AIDA: variants seen among roughly 807,000 people sequenced by gnomAD.
AIDA encodes axin interactor, dorsalization associated, also known as axin interactor, dorsalization-associated protein.
Under a neutral mutation model 42.7 loss-of-function variants are expected in AIDA, and 18 were observed. That is an observed-to-expected ratio of 0.42 (90% CI 0.29 to 0.63). The LOEUF (loss-of-function observed/expected upper bound fraction) is 0.63. Ranked by LOEUF, AIDA falls within the 20% of genes least tolerant of loss-of-function variation. AIDA has a pLI of 0.19. For missense variants in AIDA, 250 were observed against 354.1 expected, an observed-to-expected ratio of 0.71 and a Z score of 2.36; for synonymous variants, 104 against 122.9, an observed-to-expected ratio of 0.85 and a Z score of 1.02.
chr1:222,692,506 A>C (rs1156519318), intron 4 of AIDA, among the ~76,000 whole-genome samples: 1 of 152,160 alleles, frequency 6.6e-6, no homozygotes, highest in Admixed American at 6.5e-5. Flanking sequence ...CATCTGAAAG[A>C]TTATTTTTTA....
intron 1 of AIDA, among the ~76,000 whole-genome samples, chr1:222,710,273 AT>A (rs1268153733): frequency 6.6e-6 from 1 of 152,214 alleles, no homozygotes; most frequent in African/African-American, 2.4e-5. Flanking sequence ...TTTCACTGAA[AT>A]TTGACCCTGG....
intron 2 of AIDA, among the ~76,000 whole-genome samples, chr1:222,698,893 T>G (rs1655599090): frequency 6.6e-6 from 1 of 152,130 alleles, no homozygotes; most frequent in African/African-American, 2.4e-5. Context: ...TGGCAGGATC[T>G]TGGTTCACTG....
Position 222,669,782 on chromosome 1 carries a change from C to G in AIDA, c.*111G>C, listed in dbSNP as rs1664411632. ...ATTGGACTCCGTCCGGCCTACTGGTCTGGGTACGGCTTGCTTCCTGCCTGT... is the reference window on the plus strand; with the variant it reads ...ATTGGACTCCGTCCGGCCTACTGGTGTGGGTACGGCTTGCTTCCTGCCTGT... On this transcript the variant is annotated 3_prime_UTR_variant, in exon 10 of 10. Coordinates refer to ENST00000340020, the MANE Select transcript of AIDA (RefSeq NM_022831.4). The G allele has an allele frequency of 1.0e-6, 1 of 972,672 alleles. No individual in the cohort carries two copies. Among genetic ancestry groups the G allele is most frequent in the East Asian group, 2.6e-5 (1 of 38,180 alleles). 60.3% of individuals were successfully genotyped at this position (972,672 alleles called of 1,614,324 possible).
intron 2 of AIDA, among the ~76,000 whole-genome samples, chr1:222,696,920 G>A (rs1253549730): frequency 6.6e-6 from 1 of 151,986 alleles, no homozygotes; most frequent in East Asian, 1.9e-4. Flanking sequence ...TCTTGAAGCA[G>A]AAGCAACAGG....
At chr1:222,696,523 C>G (rs1216835861) in intron 2 of AIDA, among the ~76,000 whole-genome samples, 1 of 152,182 alleles carries the variant, frequency 6.6e-6, no homozygotes, top group Non-Finnish European at 1.5e-5. Flanking sequence ...GTAACTTGCC[C>G]TAGGCATCAA....
chr1:222,686,828 A>T, intron 6 of AIDA, 102 bp downstream of exon 6: 1 of 1,384,668 alleles, frequency 7.2e-7, no homozygotes, highest in Non-Finnish European at 9.8e-7. Flanking sequence ...CATGAGCTTT[A>T]GAGTGGTTGT....
intron 2 of AIDA, among the ~76,000 whole-genome samples, chr1:222,698,520 C>G (rs553862100): frequency 7.2e-6 from 1 of 138,630 alleles, no homozygotes; most frequent in African/African-American, 2.8e-5. Context: ...GGTGTGATTT[C>G]GGCTCACTGC....
chr1:222,705,641 T>C (rs944236442), intron 1 of AIDA, among the ~76,000 whole-genome samples: 6 of 152,190 alleles, frequency 3.9e-5, no homozygotes, highest in Non-Finnish European at 7.4e-5. Context: ...CCCAGCACTT[T>C]GGGAGGCCAA....
chr1:222,680,757 ATAGAG>A (rs1041498386), intron 6 of AIDA, among the ~76,000 whole-genome samples: 1 of 152,084 alleles, frequency 6.6e-6, no homozygotes, highest in Non-Finnish European at 1.5e-5. Context: ...GCCATTTAAA[ATAGAG>A]TAAAGCTTTT....
At chr1:222,702,752 AG>A (rs1308519007) in intron 2 of AIDA, among the ~76,000 whole-genome samples, 1 of 152,236 alleles carries the variant, frequency 6.6e-6, no homozygotes, top group Non-Finnish European at 1.5e-5. Context: ...GAATCAAGTA[AG>A]TGCTGGGGTG....
chr1:222,693,018 G>A (rs1655409828), intron 4 of AIDA, among the ~76,000 whole-genome samples: 1 of 152,110 alleles, frequency 6.6e-6, no homozygotes, highest in African/African-American at 2.4e-5. Flanking sequence ...GGGCTGAAGT[G>A]AAACAGAGCA....
chr1:222,676,876 A>C (rs1173022782), intron 6 of AIDA, among the ~76,000 whole-genome samples: 9 of 151,830 alleles, frequency 5.9e-5, no homozygotes, highest in Admixed American at 5.9e-4. Context: ...ATAATTTTAC[A>C]GTCTAATTTC....
At chr1:222,708,312 A>G (rs1031260855) in intron 1 of AIDA, among the ~76,000 whole-genome samples, 2 of 150,856 alleles carry the variant, frequency 1.3e-5, no homozygotes, top group African/African-American at 4.9e-5. Flanking sequence ...ATCCATCTCA[A>G]AAAAAAATGA....
chr1:222,676,256 T>C (rs748732223), intron 6 of AIDA, 38 bp from the exon 7 acceptor site: 55 of 1,578,518 alleles, frequency 3.5e-5, no homozygotes, highest in Non-Finnish European at 4.5e-5. Context: ...CTCCATATCA[T>C]TTCACAGTAA....
chr1:222,695,537 T>C (rs1479195560), intron 2 of AIDA, among the ~76,000 whole-genome samples: 1 of 151,850 alleles, frequency 6.6e-6, no homozygotes, highest in Non-Finnish European at 1.5e-5. Context: ...TAGGTTGAAG[T>C]AGGAAAGGGC....
intron 6 of AIDA, among the ~76,000 whole-genome samples, chr1:222,682,033 G>A (rs1664664178): frequency 6.6e-6 from 1 of 152,212 alleles, no homozygotes; most frequent in South Asian, 2.1e-4. Flanking sequence ...GGAGATTACG[G>A]AGAACCAGAC....
chr1:222,677,385 C>A (rs1260293944), intron 6 of AIDA, among the ~76,000 whole-genome samples: 1 of 152,088 alleles, frequency 6.6e-6, no homozygotes, highest in Non-Finnish European at 1.5e-5. Context: ...GGTTTCCCCC[C>A]CTCTAATTTT....
intron 6 of AIDA, 57 bp from the exon 7 acceptor site, chr1:222,676,275 A>C (rs1419893542): frequency 1.9e-6 from 3 of 1,543,396 alleles, no homozygotes; most frequent in Non-Finnish European, 1.7e-6. Flanking sequence ...AAACATTTTA[A>C]TGAACACAGA....
At chr1:222,701,279 A>G (rs937726910) in intron 2 of AIDA, among the ~76,000 whole-genome samples, 5 of 152,332 alleles carry the variant, frequency 3.3e-5, no homozygotes, top group Admixed American at 3.3e-4. Flanking sequence ...TTCTTTAAAT[A>G]TAATTTTTGG....
Sources: allele counts gnomAD v4.1 joint callset (sites outside exome capture counted in the v4.1 genomes callset), GRCh38; gene constraint gnomAD v4.1.1; transcripts MANE v1.5; gene names NCBI Gene and HGNC (gene_info 2026-07-23, HGNC 2026-07-21).